The following GALNT18 variants were observed in gnomAD, a reference collection of about 807,000 sequenced individuals.
The protein encoded by GALNT18 is polypeptide N-acetylgalactosaminyltransferase 18.
A neutral mutation model predicts 69.5 loss-of-function variants in GALNT18; 44 were observed. That is an observed-to-expected ratio of 0.63 (90% CI 0.50 to 0.81). The LOEUF is 0.81. Among genes scored for constraint, GALNT18 ranks in the 40% least tolerant of loss-of-function variants. The probability of loss-of-function intolerance (pLI) is 0.00; values close to 1 mark genes in which losing one functional copy is unlikely to be tolerated. For missense variants in GALNT18, 715 were observed against 810.0 expected, an observed-to-expected ratio of 0.88 and a Z score of 1.42; for synonymous variants, 364 against 318.2, an observed-to-expected ratio of 1.14 and a Z score of -1.53.
intron 9 of GALNT18, among the ~76,000 whole-genome samples, chr11:11,299,392 C>T (rs12223170): frequency 0.13 from 19,303 of 152,176 alleles, 1,627 homozygotes; most frequent in Admixed American, 0.21. Context: ...GTGAACTGCT[C>T]GCCTCGGCCT....
At chr11:11,554,298 C>T (rs1035770288) in intron 1 of GALNT18, among the ~76,000 whole-genome samples, 9 of 152,160 alleles carry the variant, frequency 5.9e-5, no homozygotes, top group African/African-American at 1.9e-4. Context: ...TTCCAGGAGC[C>T]ACTGGCTCTG....
intron 3 of GALNT18, among the ~76,000 whole-genome samples, chr11:11,417,629 C>A (rs1205188133): frequency 2.0e-5 from 3 of 152,200 alleles, no homozygotes; most frequent in Admixed American, 2.0e-4. Flanking sequence ...CTCAGGAGGG[C>A]TTGGGCTCAT....
intron 9 of GALNT18, among the ~76,000 whole-genome samples, chr11:11,298,984 A>G (rs1849447571): frequency 6.6e-6 from 1 of 152,012 alleles, no homozygotes; most frequent in African/African-American, 2.4e-5. Context: ...ACTCCCTTGC[A>G]TTCTTTGATA....
chr11:11,379,078 T>A lies in GALNT18; in HGVS notation c.779+3A>T. The A allele has an allele frequency of 6.3e-7, 1 of 1,594,020 alleles. No homozygotes were observed. The highest frequency in any genetic ancestry group is 8.5e-7 in the Non-Finnish European group (1 of 1,173,808). On this transcript the variant is annotated splice_donor_region_variant and intron_variant, in intron 4 of 10. Coordinates refer to ENST00000227756, the MANE Select transcript of GALNT18 (RefSeq NM_198516.3). ...TCCTCCTCCTCTCCCAAGGGGCACT[T>A]ACCAGCCCACATTGAACTCCACGTG...
chr11:11,580,214 T>C (rs11607730), intron 1 of GALNT18, among the ~76,000 whole-genome samples: 25,148 of 152,196 alleles, frequency 0.17, 2,226 homozygotes, highest in Admixed American at 0.25. Context: ...TTTCCCAGTT[T>C]GTTCCCAAGA....
intron 1 of GALNT18, among the ~76,000 whole-genome samples, chr11:11,501,307 A>C (rs1173847027): frequency 6.6e-6 from 1 of 152,256 alleles, no homozygotes; most frequent in Non-Finnish European, 1.5e-5. Context: ...CTATTTAACC[A>C]AGACATCGAT....
At chr11:11,273,138 C>G (rs1398745599) in intron 10 of GALNT18, among the ~76,000 whole-genome samples, 1 of 152,188 alleles carries the variant, frequency 6.6e-6, no homozygotes, top group African/African-American at 2.4e-5. Context: ...GGACATTGAT[C>G]TGGGCAACAA....
chr11:11,476,445 C>T (rs1170802621), intron 1 of GALNT18: 1 of 152,140 alleles, frequency 6.6e-6, no homozygotes, highest in Non-Finnish European at 1.5e-5. Context: ...AGAAATTTCT[C>T]CTATAGCCTA....
rs1472522034 is a variant in GALNT18, at chr11:11,516,228, A to G, written c.236-67292T>C. Among the ~76,000 whole-genome samples the G allele has an allele frequency of 2.6e-5, 4 of 152,220 alleles. No homozygotes were observed. In the East Asian group the frequency reaches 7.7e-4, roughly 29 times the overall value. On this transcript the variant is annotated intron_variant, in intron 1 of 10. Transcript: ENST00000227756. The stretch of plus-strand genomic sequence containing the variant: ...CAATGTAAAACACTGAAGAGCAAAC[A>G]CCTTTAGACACCCTGAAAATCAAAG...
chr11:11,295,580 A>T (rs1326714037), intron 9 of GALNT18, among the ~76,000 whole-genome samples: 1 of 152,190 alleles, frequency 6.6e-6, no homozygotes, highest in African/African-American at 2.4e-5. Flanking sequence ...GGCAGAACCC[A>T]ACTGGAAACC....
At chr11:11,467,918 T>G (rs2133849030) in intron 1 of GALNT18, among the ~76,000 whole-genome samples, 1 of 152,320 alleles carries the variant, frequency 6.6e-6, no homozygotes, top group East Asian at 1.9e-4. Flanking sequence ...TTGTTAAGAC[T>G]ACAGATCACC....
At chr11:11,378,373 C>T (rs1853825457) in intron 4 of GALNT18, among the ~76,000 whole-genome samples, 1 of 152,192 alleles carries the variant, frequency 6.6e-6, no homozygotes, top group African/African-American at 2.4e-5. Context: ...TGGTCATTGC[C>T]AGAGCCTGTG....
intron 10 of GALNT18, among the ~76,000 whole-genome samples, chr11:11,283,537 A>G (rs1035798834): frequency 6.6e-6 from 1 of 152,280 alleles, no homozygotes; most frequent in African/African-American, 2.4e-5. Context: ...CATTGGAGGA[A>G]GGAAGGAAGA....
At chr11:11,308,569 G>C (rs11021770) in intron 9 of GALNT18, among the ~76,000 whole-genome samples, 16,018 of 152,064 alleles carry the variant, frequency 0.11, 931 homozygotes, top group African/African-American at 0.12. Context: ...GCTCTTCCTG[G>C]AGGATGCCTA....
chr11:11,422,346 G>C (rs1352730950), intron 3 of GALNT18, among the ~76,000 whole-genome samples: 3 of 152,230 alleles, frequency 2.0e-5, no homozygotes, highest in Non-Finnish European at 4.4e-5. Context: ...GAGAACCCAG[G>C]ACTCAGGTGG....
chr11:11,378,848 A>T (rs1054708219), intron 4 of GALNT18, among the ~76,000 whole-genome samples: 5 of 152,100 alleles, frequency 3.3e-5, no homozygotes, highest in Non-Finnish European at 7.4e-5. Flanking sequence ...CATGCATATT[A>T]GGCACCGTGT....
chr11:11,481,015 T>C (rs1856515745), intron 1 of GALNT18, among the ~76,000 whole-genome samples: 1 of 152,092 alleles, frequency 6.6e-6, no homozygotes, highest in African/African-American at 2.4e-5. Context: ...TCTTCCATCA[T>C]CTTCTCCAAG....
chr11:11,410,539 T>C (rs1186611431), intron 3 of GALNT18, among the ~76,000 whole-genome samples: 2 of 152,174 alleles, frequency 1.3e-5, no homozygotes, highest in East Asian at 3.9e-4. Flanking sequence ...TTACATGTCT[T>C]AAATGAGCAA....
At position 11,470,304 on chromosome 11, in the gene GALNT18, T is replaced by C. The variant is rs954803010; in HGVS notation, c.236-21368A>G. The stretch of plus-strand genomic sequence containing the variant: ...CAGGCACCAAGGGACATCCACATTC[T>C]GTCTCTACATAGTCCTGTGCAGGCA... On this transcript the variant is annotated intron_variant, in intron 1 of 10. Transcript: ENST00000227756. This position sits in a 1 kb window ranked among gnomAD's most constrained non-coding sequence, Gnocchi z 4.8. 6.6e-6 allele frequency among the ~76,000 whole-genome samples: 1 copy of C among 152,244 alleles called. No individual in the cohort carries two copies. Among genetic ancestry groups the C allele is most frequent in the African/African-American group, 2.4e-5 (1 of 41,458 alleles).
Sources: allele counts gnomAD v4.1 joint callset (sites outside exome capture counted in the v4.1 genomes callset), GRCh38; gene constraint gnomAD v4.1.1; non-coding constraint Gnocchi (gnomAD v3.1); transcripts MANE v1.5; gene names NCBI Gene and HGNC (gene_info 2026-07-23, HGNC 2026-07-21).